The following RP1L1 variants were observed in gnomAD, a reference collection of about 807,000 sequenced individuals.
RP1L1 encodes the protein RP1 like 1, also known as retinitis pigmentosa 1-like 1 protein.
In RP1L1, 27 loss-of-function variants were observed where a neutral mutation model predicts 15.7. That is an observed-to-expected ratio of 1.72 (90% confidence interval 1.27 to 2.38). The LOEUF (loss-of-function observed/expected upper bound fraction) is 2.38. Among genes scored for constraint, RP1L1 ranks in the 30% most tolerant of loss-of-function variants. RP1L1 has a pLI of 0.00. For missense variants in RP1L1, 4,798 were observed against 3,075.9 expected, an observed-to-expected ratio of 1.56 and a Z score of -13.24; for synonymous variants, 1,813 against 1,276.7, an observed-to-expected ratio of 1.42 and a Z score of -8.96.
Position 10,606,665 on chromosome 8 carries a change from A to T in RP1L1, c.*230T>A. On this transcript the variant is annotated 3_prime_UTR_variant, in exon 4 of 4. Transcript: ENST00000382483. ...CTCCGATAACCGGGCAGATCCGCAG[A>T]CACCCCCTTTCTTCACACTGCGTGT... The T allele has an allele frequency of 1.5e-6, 1 of 655,190 alleles. No individual in the cohort carries two copies. The highest frequency in any genetic ancestry group is 3.1e-5 in the Admixed American group (1 of 31,830). 40.6% of individuals were successfully genotyped at this position (655,190 alleles called of 1,614,324 possible).
chr8:10,652,047 G>C (rs2117272649), intron 1 of RP1L1, among the ~76,000 whole-genome samples: 1 of 152,264 alleles, frequency 6.6e-6, no homozygotes, highest in Non-Finnish European at 1.5e-5. Flanking sequence ...TGCTGTACAG[G>C]TTTGTAACCT....
At chr8:10,616,067 G>A (rs1373713570) in intron 3 of RP1L1, among the ~76,000 whole-genome samples, 2 of 152,012 alleles carry the variant, frequency 1.3e-5, no homozygotes. Context: ...ATTATGCCTG[G>A]CATATTTTTT....
intron 1 of RP1L1, among the ~76,000 whole-genome samples, chr8:10,650,550 GTTC>G (rs1207088514): frequency 4.1e-5 from 6 of 146,816 alleles, no homozygotes; most frequent in Non-Finnish European, 9.1e-5. Context: ...AGACTCCGTA[GTTC>G]TTTTTTTTTT....
At chr8:10,652,788 G>A (rs377228811) in intron 1 of RP1L1, among the ~76,000 whole-genome samples, 34 of 151,986 alleles carry the variant, frequency 2.2e-4, no homozygotes, top group Non-Finnish European at 3.4e-4. Flanking sequence ...ATCTCCTCCC[G>A]TCCTCTGTGC....
chr8:10,623,361 G>C, intron 1 of RP1L1, 141 bp from the exon 2 acceptor site: 1 of 686,958 alleles, frequency 1.5e-6, no homozygotes, highest in Non-Finnish European at 2.4e-6. Context: ...GAATCTATTT[G>C]GATGGAACAG....
At chr8:10,627,775 C>T (rs1419660129) in intron 1 of RP1L1, among the ~76,000 whole-genome samples, 1 of 152,244 alleles carries the variant, frequency 6.6e-6, no homozygotes, top group African/African-American at 2.4e-5. Context: ...TTTAGGGAAA[C>T]ATCACAGCGT....
At chr8:10,619,411 T>C (rs118105823) in intron 2 of RP1L1, among the ~76,000 whole-genome samples, 4,542 of 152,220 alleles carry the variant, frequency 0.03, 72 homozygotes, top group Middle Eastern at 0.075. Flanking sequence ...CTAGTACCCA[T>C]CATCTTCCCA....
At chr8:10,646,226 A>G (rs1798476155) in intron 1 of RP1L1, among the ~76,000 whole-genome samples, 1 of 151,952 alleles carries the variant, frequency 6.6e-6, no homozygotes, top group Non-Finnish European at 1.5e-5. Flanking sequence ...GTCACCACAC[A>G]CTCCTGAAGA....
chr8:10,627,195 C>A (rs1034728038), intron 1 of RP1L1, among the ~76,000 whole-genome samples: 18 of 152,144 alleles, frequency 1.2e-4, no homozygotes, highest in Admixed American at 6.5e-5. Context: ...ACGTTCATTG[C>A]AGCTTTATTC....
chr8:10,623,579 TACTTCAATGTCCCCAGA>T (rs1798110313), intron 1 of RP1L1, among the ~76,000 whole-genome samples: 1 of 136,180 alleles, frequency 7.3e-6, no homozygotes, highest in Non-Finnish European at 1.6e-5. Flanking sequence ...ATGTCCCCAG[TACTTCAATGTCCCCAGA>T]ACTTCCATGT....
chr8:10,631,891 G>A (rs1798258866), intron 1 of RP1L1, among the ~76,000 whole-genome samples: 3 of 152,340 alleles, frequency 2.0e-5, no homozygotes, highest in South Asian at 4.1e-4. Flanking sequence ...CCAGCACGGG[G>A]CGGATTTGGA....
chr8:10,613,266 G>A lies in RP1L1; in HGVS notation c.832C>T (p.Pro278Ser), dbSNP rs774387835. ...CCCACCGGGGGGTTGCTAGGACCAG[G>A]CCTTTCTGGCAGCCGTGGCGTGCTG... ...PGSTPRLPER[P>S]GPSNPPVGPA... Residue 278 changes from proline (P) to serine (S), a missense_variant, in exon 4 of 4, where the codon CCT becomes TCT. Coordinates refer to ENST00000382483, the MANE Select transcript of RP1L1 (RefSeq NM_178857.6). 4 of 1,609,756 alleles carry A rather than the reference G, an allele frequency of 2.5e-6. No individual in the cohort carries two copies. Among genetic ancestry groups the A allele is most frequent in the South Asian group, 2.2e-5 (2 of 91,086 alleles).
intron 1 of RP1L1, among the ~76,000 whole-genome samples, chr8:10,652,822 T>A (rs1798582298): frequency 6.6e-6 from 1 of 152,158 alleles, no homozygotes; most frequent in Non-Finnish European, 1.5e-5. Flanking sequence ...CTGGAGGTCA[T>A]CATGCTCACT....
chr8:10,612,868 A>C lies in RP1L1; in HGVS notation c.1230T>G (p.Asn410Lys), dbSNP rs202009568. The change falls in exon 4 of 4, where the codon AAT (asparagine) becomes AAG (lysine). Residue 410 changes from asparagine (N) to lysine (K), a missense_variant. Coordinates refer to ENST00000382483, the MANE Select transcript of RP1L1 (RefSeq NM_178857.6). ...TCTCTCCCTGGGAGGCATGCAGGGG[A>C]TTCGTCCAGATTTCATACTTGGGCC... ...QPGPKYEIWT[N>K]PLHASQGERV... 3 of 1,612,646 alleles carry C rather than the reference A, an allele frequency of 1.9e-6. No homozygotes were observed. Among genetic ancestry groups the C allele is most frequent in the Non-Finnish European group, 2.5e-6 (3 of 1,179,866 alleles).
rs764441364 is a variant in RP1L1, at chr8:10,610,333, C to T, written c.3765G>A (p.Gln1255=). The T allele has an allele frequency of 6.2e-7, 1 of 1,614,194 alleles. No individual in the cohort carries two copies. The highest frequency in any genetic ancestry group is 8.5e-7 in the Non-Finnish European group (1 of 1,180,040). Residue 1255 remains glutamine (Q), a synonymous_variant, in exon 4 of 4, where the codon CAG becomes CAA. Transcript: ENST00000382483. ...CGTTCAAGAAGGTTGGGAAACAACA[C>T]TGCTGTTGGTTTTCCAGATCCCCTG... ...ESPGDLENQQ[Q]CCFPTFLNAR...
intron 2 of RP1L1, 31 bp downstream of exon 2, chr8:10,622,562 T>C: frequency 1.2e-6 from 2 of 1,613,988 alleles, no homozygotes; most frequent in African/African-American, 1.3e-5. Context: ...AAAGAACCTT[T>C]TCAAGGAACC....
intron 1 of RP1L1, among the ~76,000 whole-genome samples, chr8:10,627,497 G>C (rs1177164570): frequency 6.6e-6 from 1 of 152,074 alleles, no homozygotes; most frequent in African/African-American, 2.4e-5. Context: ...CGAGAGGGGA[G>C]TTAATGTTTC....
chr8:10,633,281 C>T (rs1475181952), intron 1 of RP1L1, among the ~76,000 whole-genome samples: 1 of 152,216 alleles, frequency 6.6e-6, no homozygotes, highest in Non-Finnish European at 1.5e-5. Flanking sequence ...TCTCCCTCTA[C>T]TCTCTGATCT....
chr8:10,630,996 G>A (rs534575807), intron 1 of RP1L1, among the ~76,000 whole-genome samples: 1 of 152,176 alleles, frequency 6.6e-6, no homozygotes, highest in Non-Finnish European at 1.5e-5. Context: ...AGTCTTGCTC[G>A]AGTGGAGTGA....
Sources: gnomAD v4.1 joint callset for allele counts (sites outside exome capture counted in the v4.1 genomes callset) on GRCh38, gnomAD v4.1.1 for gene constraint, MANE v1.5 for transcripts, NCBI Gene and HGNC (gene_info 2026-07-23, HGNC 2026-07-21) for gene names.